The following LRRC38 variants were observed in gnomAD, a reference collection of about 807,000 sequenced individuals.
LRRC38 encodes the protein leucine-rich repeat-containing protein 38.
In LRRC38, 5 loss-of-function variants were observed where a neutral mutation model predicts 16.4. The observed-to-expected ratio is 0.31, with a 90% CI of 0.16 to 0.64. The LOEUF is 0.64. LRRC38 is among the 30% of genes least tolerant of loss of function. The pLI is 0.80. For missense variants in LRRC38, 341 were observed against 401.8 expected (o/e 0.85, Z 1.29); for synonymous variants, 191 against 190.2 (o/e 1.00, Z -0.04).
chr1:13,477,881 G>C (rs1638807562), intron 1 of LRRC38, among the ~76,000 whole-genome samples: 1 of 152,166 alleles, frequency 6.6e-6, no homozygotes, highest in Admixed American at 6.5e-5. Context: ...GCCAGGGGTA[G>C]CTGAGTGAAC....
At chr1:13,493,600 T>C (rs1343678716) in intron 1 of LRRC38, among the ~76,000 whole-genome samples, 3 of 152,086 alleles carry the variant, frequency 2.0e-5, no homozygotes, top group African/African-American at 4.8e-5. Flanking sequence ...TTGCAGGCAG[T>C]CCTGATATAA....
intron 1 of LRRC38, among the ~76,000 whole-genome samples, chr1:13,493,439 A>C (rs1473343455): frequency 6.6e-6 from 1 of 152,196 alleles, no homozygotes; most frequent in Admixed American, 6.5e-5. Flanking sequence ...CACAGAAGTG[A>C]GGTTACTTCC....
At chr1:13,490,065 C>T (rs1638989834) in intron 1 of LRRC38, among the ~76,000 whole-genome samples, 1 of 152,172 alleles carries the variant, frequency 6.6e-6, no homozygotes. Context: ...CACACATAAG[C>T]GAGGAAAACC....
chr1:13,481,780 CCTCTCTCCCTCT>C (rs1395480906), intron 1 of LRRC38, among the ~76,000 whole-genome samples: 273 of 58,314 alleles, frequency 4.7e-3, no homozygotes, highest in African/African-American at 0.027. Context: ...TCCCTCTCTC[CCTCTCTCCCTCT>C]CTCTCTCTCT....
At chr1:13,491,058 T>G (rs1249885845) in intron 1 of LRRC38, among the ~76,000 whole-genome samples, 1 of 152,220 alleles carries the variant, frequency 6.6e-6, no homozygotes, top group East Asian at 1.9e-4. Flanking sequence ...AACGTAACCC[T>G]CTTGCCCAAC....
At chr1:13,496,022 T>C (rs529985200) in intron 1 of LRRC38, among the ~76,000 whole-genome samples, 1 of 152,060 alleles carries the variant, frequency 6.6e-6, no homozygotes, top group Non-Finnish European at 1.5e-5. Context: ...GAAACCCAGG[T>C]AACGGCTTAC....
At chr1:13,480,510 G>A (rs190758901) in intron 1 of LRRC38, among the ~76,000 whole-genome samples, 1 of 152,286 alleles carries the variant, frequency 6.6e-6, no homozygotes, top group East Asian at 1.9e-4. Context: ...TCGCTCTGTT[G>A]CCCAGTGATA....
At chr1:13,485,285 A>AAAAAAAAAAAAAAAAAAAAAAAAAAAAAC (rs1553134928) in intron 1 of LRRC38, among the ~76,000 whole-genome samples, 1 of 149,122 alleles carries the variant, frequency 6.7e-6, no homozygotes, top group African/African-American at 2.5e-5. Context: ...CTTAAAAAAA[A>AAAAAAAAAAAAAAAAAAAAAAAAAAAAAC]AAAAAAAAAC....
rs1390791753 is a variant in LRRC38 at position 13,487,155 on chromosome 1, GC to G, written c.632-11057del. Among the ~76,000 whole-genome samples, 1 of 152,166 alleles carries G rather than the reference GC, an allele frequency of 6.6e-6. No homozygotes were observed. Among genetic ancestry groups the G allele is most frequent in the Admixed American group, 6.5e-5 (1 of 15,280 alleles). ...ATTCTGTGAACTATCTGACATCCCT[GC>G]AACAAATTCCTTCCCTGCCTACATT... On this transcript the variant is annotated intron_variant, in intron 1 of 1. Transcript: ENST00000376085. This position sits in a 1 kb window ranked among gnomAD's most constrained non-coding sequence, Gnocchi z 4.4.
intron 1 of LRRC38, among the ~76,000 whole-genome samples, chr1:13,494,398 CTT>C (rs34023623): frequency 0.014 from 1,770 of 123,916 alleles, 20 homozygotes; most frequent in African/African-American, 0.037. Context: ...CTGTGCTAGA[CTT>C]TTTTTTTTTT....
chr1:13,508,010 G>T (rs1010640080), intron 1 of LRRC38, among the ~76,000 whole-genome samples: 1 of 152,176 alleles, frequency 6.6e-6, no homozygotes, highest in African/African-American at 2.4e-5. Context: ...GCCAAGGCAG[G>T]TAGATCACCT....
intron 1 of LRRC38, among the ~76,000 whole-genome samples, chr1:13,495,792 A>G (rs1639073489): frequency 1.3e-5 from 2 of 152,130 alleles, no homozygotes; most frequent in Admixed American, 1.3e-4. Flanking sequence ...AGTTCTCATT[A>G]TGGTACATCG....
chr1:13,502,574 C>T (rs561685866), intron 1 of LRRC38, among the ~76,000 whole-genome samples: 1 of 152,338 alleles, frequency 6.6e-6, no homozygotes, highest in East Asian at 1.9e-4. Context: ...TGCCCTGTTG[C>T]TATTCTGTGG....
At chr1:13,512,530 C>T (rs1050083246) in intron 1 of LRRC38, among the ~76,000 whole-genome samples, 2 of 152,122 alleles carry the variant, frequency 1.3e-5, no homozygotes, top group African/African-American at 4.8e-5. Flanking sequence ...AGGTTAGGCT[C>T]GGGAAGCTGC....
intron 1 of LRRC38, among the ~76,000 whole-genome samples, chr1:13,498,210 C>A (rs534758607): frequency 2.3e-4 from 34 of 150,456 alleles, no homozygotes; most frequent in Non-Finnish European, 4.1e-4. Flanking sequence ...GGGCAGGAAG[C>A]AGAGACGACC....
Position 13,487,758 on chromosome 1 carries a change from T to C in LRRC38, c.632-11659A>G, listed in dbSNP as rs921760502. Among the ~76,000 whole-genome samples, 4 of 152,180 alleles carry C rather than the reference T, an allele frequency of 2.6e-5. No homozygotes were observed. Among genetic ancestry groups the C allele is most frequent in the Admixed American group, 2.6e-4 (4 of 15,274 alleles). The stretch of plus-strand genomic sequence containing the variant: ...GGATGTTAGATTGAGATTAATCTCT[T>C]GCACCGGACCGGCCCCTTGCCAACA... On this transcript the variant is annotated intron_variant, in intron 1 of 1. Transcript: ENST00000376085. The surrounding 1 kb of genome is among the most constrained non-coding windows in gnomAD (Gnocchi z 4.4).
At chr1:13,508,462 A>G (rs60720879) in intron 1 of LRRC38, among the ~76,000 whole-genome samples, 2,119 of 152,334 alleles carry the variant, frequency 0.014, 54 homozygotes, top group African/African-American at 0.049. Context: ...ATCCTCCGAC[A>G]ACTGTAATGA....
At chr1:13,476,647 A>G (rs1236594315) in intron 1 of LRRC38, among the ~76,000 whole-genome samples, 1 of 152,050 alleles carries the variant, frequency 6.6e-6, no homozygotes, top group African/African-American at 2.4e-5. Context: ...TACTCTTTTG[A>G]TTTTGAATTA....
chr1:13,484,635 A>G (rs967607957), intron 1 of LRRC38, among the ~76,000 whole-genome samples: 1 of 152,200 alleles, frequency 6.6e-6, no homozygotes, highest in Non-Finnish European at 1.5e-5. Flanking sequence ...AACTCTCTGG[A>G]GTAGAGAGAA....
Sources: allele counts gnomAD v4.1 joint callset (sites outside exome capture counted in the v4.1 genomes callset), GRCh38; gene constraint gnomAD v4.1.1; non-coding constraint Gnocchi (gnomAD v3.1); transcripts MANE v1.5; gene names NCBI Gene and HGNC (gene_info 2026-07-23, HGNC 2026-07-21).